Variants in CADPS observed in about 807,000 individuals in gnomAD.
The protein encoded by CADPS is calcium dependent secretion activator, also known as calcium-dependent secretion activator 1.
In CADPS, 57 loss-of-function variants were observed where a neutral mutation model predicts 167.3. That is an observed-to-expected ratio of 0.34 (90% CI 0.28 to 0.42). The LOEUF is 0.42. Among genes scored for constraint, CADPS ranks in the 20% least tolerant of loss-of-function variants. CADPS has a pLI of 1.00. For missense variants in CADPS, 1,414 were observed against 1,738.1 expected (o/e 0.81, Z 3.32); for synonymous variants, 676 against 635.3 (o/e 1.06, Z -0.96).
intron 10 of CADPS, among the ~76,000 whole-genome samples, chr3:62,555,033 G>T (rs949494932): frequency 6.6e-6 from 1 of 152,148 alleles, no homozygotes; most frequent in South Asian, 2.1e-4. Context: ...GATTACAGGC[G>T]TGAGGCACCG....
chr3:62,518,590 G>C (rs2069589774), intron 13 of CADPS, among the ~76,000 whole-genome samples: 1 of 152,118 alleles, frequency 6.6e-6, no homozygotes, highest in African/African-American at 2.4e-5. Context: ...TTTAAATTAG[G>C]GAAGTTTGAG....
chr3:62,489,681 C>T (rs561726348), intron 21 of CADPS, among the ~76,000 whole-genome samples: 2 of 152,286 alleles, frequency 1.3e-5, no homozygotes, highest in African/African-American at 4.8e-5. Flanking sequence ...CAATTATTCT[C>T]TTCCATGTGT....
chr3:62,695,500 C>G (rs142928457), intron 3 of CADPS, among the ~76,000 whole-genome samples: 1 of 152,016 alleles, frequency 6.6e-6, no homozygotes, highest in African/African-American at 2.4e-5. Context: ...CCTTAAAGAT[C>G]TGAAAGAAAC....
chr3:62,727,405 A>T (rs1179410498), intron 3 of CADPS, among the ~76,000 whole-genome samples: 2 of 151,970 alleles, frequency 1.3e-5, no homozygotes, highest in Non-Finnish European at 2.9e-5. Flanking sequence ...ACTAATTTGT[A>T]AGAACAGGTT....
intron 3 of CADPS, among the ~76,000 whole-genome samples, chr3:62,707,771 T>C (rs896332083): frequency 6.6e-5 from 10 of 152,190 alleles, no homozygotes; most frequent in African/African-American, 2.4e-4. Context: ...ATTTTAGATA[T>C]GTTAAATATG....
chr3:62,582,090 C>G (rs1300610806), intron 8 of CADPS, among the ~76,000 whole-genome samples: 1 of 152,192 alleles, frequency 6.6e-6, no homozygotes, highest in African/African-American at 2.4e-5. Context: ...TCTTATGTTC[C>G]TTTTATGTTA....
intron 24 of CADPS, 29 bp from the exon 25 acceptor site, chr3:62,466,442 A>T (rs375224701): frequency 2.7e-6 from 4 of 1,471,666 alleles, no homozygotes; most frequent in Non-Finnish European, 2.8e-6. Context: ...AAATATTAGC[A>T]TGTTTGGGAG....
At chr3:62,540,457 C>A (rs1175267361) in intron 11 of CADPS, among the ~76,000 whole-genome samples, 4 of 152,014 alleles carry the variant, frequency 2.6e-5, no homozygotes, top group Non-Finnish European at 5.9e-5. Flanking sequence ...TACTCTGACA[C>A]CTTCATCCCA....
At chr3:62,824,981 G>A (rs750144378) in intron 1 of CADPS, among the ~76,000 whole-genome samples, 2 of 152,066 alleles carry the variant, frequency 1.3e-5, no homozygotes, top group Admixed American at 6.6e-5. Flanking sequence ...ACACAGGCAC[G>A]TATATCCAGG....
intron 9 of CADPS, among the ~76,000 whole-genome samples, chr3:62,570,191 G>GA (rs2081029179): frequency 6.7e-6 from 1 of 149,822 alleles, no homozygotes; most frequent in African/African-American, 2.5e-5. Context: ...AACTTGTGTG[G>GA]AAAAAGCAAC....
intron 13 of CADPS, among the ~76,000 whole-genome samples, chr3:62,519,017 T>C (rs2069731930): frequency 6.6e-6 from 1 of 152,198 alleles, no homozygotes; most frequent in Admixed American, 6.5e-5. Context: ...TTCTGTGTCA[T>C]CTTTAGGTGC....
In CADPS at chr3:62,596,049, A is replaced by G. The variant is rs548497272; in HGVS notation, c.1326-3301T>C. Among the ~76,000 whole-genome samples, 20 of 150,232 alleles carry G rather than the reference A, an allele frequency of 1.3e-4. No homozygotes were observed. The South Asian group carries it at 1.5e-3, about 11-fold the overall frequency. On this transcript the variant is annotated intron_variant, in intron 6 of 29. Coordinates refer to ENST00000383710, the MANE Select transcript of CADPS (RefSeq NM_003716.4). ...TATTGTGGGACCTTGTGATGGTGTAAGTTAATACTTAATTAACTCCCGTTT... is the reference window on the plus strand; with the variant it reads ...TATTGTGGGACCTTGTGATGGTGTAGGTTAATACTTAATTAACTCCCGTTT...
At chr3:62,586,882 C>T (rs543341786) in intron 7 of CADPS, among the ~76,000 whole-genome samples, 16 of 152,260 alleles carry the variant, frequency 1.1e-4, no homozygotes, top group Admixed American at 9.1e-4. Context: ...ATTTAAAAAT[C>T]TACATTTTGG....
intron 6 of CADPS, among the ~76,000 whole-genome samples, chr3:62,599,412 T>C (rs1250136015): frequency 1.4e-5 from 2 of 145,330 alleles, no homozygotes; most frequent in African/African-American, 2.6e-5. Context: ...AATCACAGAA[T>C]TGGGCTTCAA....
At chr3:62,754,114 G>A (rs2083323457) in intron 2 of CADPS, among the ~76,000 whole-genome samples, 1 of 152,160 alleles carries the variant, frequency 6.6e-6, no homozygotes, top group African/African-American at 2.4e-5. Flanking sequence ...GGGACTTTGG[G>A]CAAGTTAACC....
chr3:62,576,894 T>G (rs2082399416), intron 8 of CADPS, among the ~76,000 whole-genome samples: 1 of 151,030 alleles, frequency 6.6e-6, no homozygotes, highest in African/African-American at 2.4e-5. Flanking sequence ...ATGTCTGGGT[T>G]TGGAGCTCCA....
At position 62,692,385 on chromosome 3, in the gene CADPS, G is replaced by T. The variant is rs1428461748; in HGVS notation, c.889-29991C>A. Among the ~76,000 whole-genome samples, 13 of 151,504 alleles carry T rather than the reference G, an allele frequency of 8.6e-5. No individual in the cohort carries two copies. In the East Asian group the frequency reaches 1.2e-3, roughly 14 times the overall value. ...AATGCCTTGCACACTTATGAGTACG[G>T]TTTTTTCCTGAATAGCAGCAGACAT... On this transcript the variant is annotated intron_variant, in intron 3 of 29. Coordinates refer to ENST00000383710, the MANE Select transcript of CADPS (RefSeq NM_003716.4).
chr3:62,670,040 G>A (rs976728806), intron 3 of CADPS, among the ~76,000 whole-genome samples: 5 of 152,244 alleles, frequency 3.3e-5, no homozygotes, highest in East Asian at 3.9e-4. Context: ...CATGGATTTC[G>A]GAATCAGAAA....
At chr3:62,603,993 A>ATTT (rs11426162) in intron 6 of CADPS, among the ~76,000 whole-genome samples, 10 of 147,606 alleles carry the variant, frequency 6.8e-5, no homozygotes, top group Non-Finnish European at 1.5e-4. Context: ...CGCCCGGCTA[A>ATTT]TTTTTTTTTT....
Sources: allele counts gnomAD v4.1 joint callset (sites outside exome capture counted in the v4.1 genomes callset), GRCh38; gene constraint gnomAD v4.1.1; transcripts MANE v1.5; gene names NCBI Gene and HGNC (gene_info 2026-07-23, HGNC 2026-07-21).